The following ZNF721 variants were observed in gnomAD, a reference collection of about 807,000 sequenced individuals.
The protein encoded by ZNF721 is zinc finger protein 721.
A neutral mutation model predicts 2.4 loss-of-function variants in ZNF721; 2 were observed. The ratio of observed to expected loss-of-function variants is 0.82; its 90% CI spans 0.34 to 2.58. The LOEUF (loss-of-function observed/expected upper bound fraction) is 2.58. Among genes scored for constraint, ZNF721 ranks in the 30% most tolerant of loss-of-function variants. The pLI is 0.11. For missense variants in ZNF721, 1,187 were observed against 1,085.5 expected (o/e 1.09, Z -1.31); for synonymous variants, 398 against 381.8 (o/e 1.04, Z -0.50).
intron 2 of ZNF721, among the ~76,000 whole-genome samples, chr4:466,527 G>A (rs942792668): frequency 3.9e-5 from 6 of 152,162 alleles, no homozygotes; most frequent in African/African-American, 1.4e-4. Flanking sequence ...CTTGTTGATA[G>A]TGTAGTTTTC....
At chr4:483,097 T>C (rs1715810877) in intron 1 of ZNF721, among the ~76,000 whole-genome samples, 1 of 152,044 alleles carries the variant, frequency 6.6e-6, no homozygotes, top group African/African-American at 2.4e-5. Flanking sequence ...AATAATAAAG[T>C]GGGGATGGGG....
intron 2 of ZNF721, among the ~76,000 whole-genome samples, chr4:461,464 A>G (rs1715068195): frequency 6.6e-6 from 1 of 151,150 alleles, no homozygotes. Flanking sequence ...CAAAATAATA[A>G]GAGCTATTTA....
At chr4:444,534 ACAAAATACCACAAGT>A in intron 2 of ZNF721, 102 bp from the exon 3 acceptor site, 1 of 1,132,440 alleles carries the variant, frequency 8.8e-7, no homozygotes, top group Admixed American at 3.0e-5. Flanking sequence ...AGATCACATA[ACAAAATACCACAAGT>A]CATAACTTCT....
intron 1 of ZNF721, among the ~76,000 whole-genome samples, chr4:495,394 T>G (rs1442015923): frequency 6.8e-6 from 1 of 147,468 alleles, no homozygotes; most frequent in Non-Finnish European, 1.5e-5. Context: ...ACATGAAACC[T>G]TCTAAATATA....
intron 1 of ZNF721, among the ~76,000 whole-genome samples, chr4:498,319 G>A (rs1266995110): frequency 2.6e-5 from 4 of 151,568 alleles, no homozygotes; most frequent in African/African-American, 9.7e-5. Context: ...GTAGGTGACA[G>A]ACAAATGGTT....
chr4:473,003 C>T (rs1266960512), intron 1 of ZNF721, among the ~76,000 whole-genome samples: 4 of 151,984 alleles, frequency 2.6e-5, no homozygotes, highest in Non-Finnish European at 1.5e-5. Flanking sequence ...ATCTGGAAGT[C>T]CTCATGCTTG....
intron 1 of ZNF721, chr4:473,913 C>A (rs1715546586): frequency 1.3e-6 from 2 of 1,482,042 alleles, no homozygotes; most frequent in Admixed American, 3.6e-5. Context: ...TCAGTCCCGC[C>A]GCCGCCATTT....
At position 495,286 on chromosome 4, in the gene ZNF721, T is replaced by C. The variant is rs1376195339; in HGVS notation, c.-94+3770A>G. ...TAACTATTTTAGTCAAAAAATCAGG[T>C]GAAAACAGAATTCAGTCAACTGAAC... On this transcript the variant is annotated intron_variant, in intron 1 of 2. Coordinates refer to ENST00000511833, the MANE Select transcript of ZNF721 (RefSeq NM_133474.4). Among the ~76,000 whole-genome samples the C allele has an allele frequency of 3.4e-5, 4 of 117,964 alleles. No homozygotes were observed. The East Asian group carries it at 9.0e-4, about 27-fold the overall frequency. 77.4% of individuals were successfully genotyped at this position (117,964 alleles called of 152,430 possible).
chr4:490,718 A>AGT (rs1553871352), intron 1 of ZNF721, among the ~76,000 whole-genome samples: 2 of 152,018 alleles, frequency 1.3e-5, no homozygotes, highest in East Asian at 1.9e-4. Context: ...TTTGTGAACA[A>AGT]GTGTGTGTGT....
In ZNF721 at chr4:443,786, C is replaced by T. The variant is rs782084183; in HGVS notation, c.681G>A (p.Gly227=). Residue 227 remains glycine, a synonymous_variant, in exon 3 of 3, where the codon GGG becomes GGA. Coordinates refer to ENST00000511833, the MANE Select transcript of ZNF721 (RefSeq NM_133474.4). The stretch of plus-strand genomic sequence containing the variant: ...GGTGTGAGGAATGCATAAAGGCTTT[C>T]CCACATTCTTTACATTTGTAGGGTT... ...GDKPYKCKEC[G]KAFMHSSHLN... is the part of the protein sequence containing the mutation. 1.5e-5 allele frequency: 25 copies of T among 1,613,230 alleles called. No homozygotes were observed. Among genetic ancestry groups the T allele is most frequent in the African/African-American group, 2.7e-5 (2 of 74,734 alleles).
chr4:460,324 T>A (rs1715021322), intron 2 of ZNF721, among the ~76,000 whole-genome samples: 1 of 152,140 alleles, frequency 6.6e-6, no homozygotes, highest in Non-Finnish European at 1.5e-5. Flanking sequence ...AACAACTTGC[T>A]CCTGAATGAC....
intron 1 of ZNF721, among the ~76,000 whole-genome samples, chr4:486,398 C>T (rs1715898596): frequency 6.6e-6 from 1 of 152,100 alleles, no homozygotes; most frequent in Non-Finnish European, 1.5e-5. Context: ...GACCTCATGA[C>T]CGCCCGCCTT....
chr4:454,723 T>C (rs956912144), intron 2 of ZNF721, among the ~76,000 whole-genome samples: 4 of 152,218 alleles, frequency 2.6e-5, no homozygotes, highest in African/African-American at 9.6e-5. Context: ...AATATTAAAT[T>C]TGAACTCAAT....
chr4:487,704 A>T (rs1429053056), intron 1 of ZNF721, among the ~76,000 whole-genome samples: 1 of 152,116 alleles, frequency 6.6e-6, no homozygotes, highest in Non-Finnish European at 1.5e-5. Context: ...GATGGTATTG[A>T]CTTATACAGA....
chr4:462,639 A>T (rs1027845088), intron 2 of ZNF721, among the ~76,000 whole-genome samples: 8 of 152,200 alleles, frequency 5.3e-5, no homozygotes, highest in Non-Finnish European at 1.5e-5. Context: ...CCTGACAAAA[A>T]CAAGCAACAG....
At chr4:474,308 G>T (rs1715566949) in intron 1 of ZNF721, 1 of 306,316 alleles carries the variant, frequency 3.3e-6, no homozygotes, top group South Asian at 2.6e-5. Context: ...AATGAGGCAA[G>T]AGTGACAGAC....
At chr4:444,894 T>C (rs1714421636) in intron 2 of ZNF721, among the ~76,000 whole-genome samples, 1 of 151,906 alleles carries the variant, frequency 6.6e-6, no homozygotes, top group Admixed American at 6.6e-5. Flanking sequence ...AAGAACAACT[T>C]GGGTATTCGA....
intron 2 of ZNF721, among the ~76,000 whole-genome samples, chr4:455,732 G>GA (rs1204426249): frequency 6.6e-6 from 1 of 151,920 alleles, no homozygotes; most frequent in Admixed American, 6.6e-5. Context: ...TGAAGAAAAA[G>GA]AAAAAAATGG....
chr4:472,057 ATT>A (rs1267245285), intron 2 of ZNF721, among the ~76,000 whole-genome samples: 1 of 152,094 alleles, frequency 6.6e-6, no homozygotes, highest in Non-Finnish European at 1.5e-5. Flanking sequence ...TAAAATTATT[ATT>A]TTTTGTTTTT....
Sources: gnomAD v4.1 joint callset for allele counts (sites outside exome capture counted in the v4.1 genomes callset) on GRCh38, gnomAD v4.1.1 for gene constraint, MANE v1.5 for transcripts, NCBI Gene and HGNC (gene_info 2026-07-23, HGNC 2026-07-21) for gene names.